CREBL2: variants seen among roughly 807,000 people sequenced by gnomAD.
The protein encoded by CREBL2 is cAMP-responsive element-binding protein-like 2.
In CREBL2, 4 loss-of-function variants were observed where a neutral mutation model predicts 19.5. The observed-to-expected ratio is 0.20, with a 90% confidence interval of 0.10 to 0.47. The LOEUF is 0.47. Among genes scored for constraint, CREBL2 ranks in the 20% least tolerant of loss-of-function variants. The pLI is 0.98. For synonymous variants in CREBL2, 42 were observed against 46.6 expected, an observed-to-expected ratio of 0.90 and a Z score of 0.40; for missense variants, 85 against 145.1, an observed-to-expected ratio of 0.59 and a Z score of 2.13.
Position 12,624,524 on chromosome 12 carries a change from T to C in CREBL2, c.16-11253T>C, listed in dbSNP as rs556265521. ...TCTCAACTCCTTGCAGGAGGGAGCA[T>C]GTGAGCAAATGAGTGAGGGAACTGG... On this transcript the variant is annotated intron_variant, in intron 1 of 3. Coordinates refer to ENST00000228865, the MANE Select transcript of CREBL2 (RefSeq NM_001310.4). Among the ~76,000 whole-genome samples, 9 of 152,248 alleles carry C rather than the reference T, an allele frequency of 5.9e-5. No individual in the cohort carries two copies. In the South Asian group the frequency reaches 1.5e-3, roughly 25 times the overall value.
intron 1 of CREBL2, among the ~76,000 whole-genome samples, chr12:12,632,891 A>G (rs1456341755): frequency 6.7e-6 from 1 of 150,166 alleles, no homozygotes; most frequent in Non-Finnish European, 1.5e-5. Context: ...AAGTTTCATT[A>G]TTTTTATATA....
At chr12:12,623,644 G>A (rs115480114) in intron 1 of CREBL2, among the ~76,000 whole-genome samples, 1,536 of 152,262 alleles carry the variant, frequency 0.01, 20 homozygotes, top group African/African-American at 0.035. Context: ...ATGAAAGAGA[G>A]AACTGGCTTT....
rs1273749684 is a variant in CREBL2 at position 12,638,235 on chromosome 12, G to A, written c.358+521G>A. Among the ~76,000 whole-genome samples, 51 of 152,162 alleles carry A rather than the reference G, an allele frequency of 3.4e-4. 1 individual carries two copies. The highest frequency in any genetic ancestry group is 3.3e-3 in the Admixed American group (51 of 15,288). ...GTGGGCAGATCACTTGAGGCCAGGA[G>A]TTTGAGATCACCCTGGCCAACATGG... On this transcript the variant is annotated intron_variant, in intron 3 of 3. Transcript: ENST00000228865.
chr12:12,618,703 G>C lies in CREBL2; in HGVS notation c.15+6516G>C, dbSNP rs541889539. ...GCGGCTGGGAGGTGGAGGTTGTAGC[G>C]AGCCGAGATCGCGCCACTGCACTCC... On this transcript the variant is annotated intron_variant, in intron 1 of 3. Coordinates refer to ENST00000228865, the MANE Select transcript of CREBL2 (RefSeq NM_001310.4). 4.4e-3 allele frequency among the ~76,000 whole-genome samples: 669 copies of C among 152,294 alleles called. 5 individuals carry two copies. The highest frequency in any genetic ancestry group is 5.1e-3 in the Non-Finnish European group (349 of 68,028).
chr12:12,626,871 T>TAA (rs1157705227), intron 1 of CREBL2, among the ~76,000 whole-genome samples: 5 of 124,852 alleles, frequency 4.0e-5, no homozygotes, highest in East Asian at 4.4e-4. Flanking sequence ...CCCTGTTTCT[T>TAA]AAAAAAAAAA....
intron 1 of CREBL2, among the ~76,000 whole-genome samples, chr12:12,625,263 C>G (rs566939344): frequency 2.0e-5 from 3 of 152,290 alleles, no homozygotes; most frequent in African/African-American, 7.2e-5. Flanking sequence ...TTTCTGTCCC[C>G]TGTCCCTCTC....
rs1374323168 is a variant in CREBL2, at chr12:12,612,060, A to G, written c.-113A>G. 1.6e-6 allele frequency: 2 copies of G among 1,283,228 alleles called. No individual in the cohort carries two copies. Among genetic ancestry groups the G allele is most frequent in the Non-Finnish European group, 1.1e-6 (1 of 899,804 alleles). 79.5% of individuals were successfully genotyped at this position (1,283,228 alleles called of 1,614,324 possible). A position where few individuals can be genotyped will look rare whatever the true frequency, so the allele number is the denominator to read the frequency against. The stretch of plus-strand genomic sequence containing the variant: ...AAGCGAACTGTTAGGCGAGAGGAGG[A>G]GGCAGCCAGAACCATATCCCCTTCT... On this transcript the variant is annotated 5_prime_UTR_variant, in exon 1 of 4. Coordinates refer to ENST00000228865, the MANE Select transcript of CREBL2 (RefSeq NM_001310.4).
At chr12:12,640,876 T>C (rs1945511834) in intron 3 of CREBL2, among the ~76,000 whole-genome samples, 1 of 152,206 alleles carries the variant, frequency 6.6e-6, no homozygotes, top group Non-Finnish European at 1.5e-5. Flanking sequence ...ATATTTTAAT[T>C]TTGGTGAAGT....
rs1258729120 is a variant in CREBL2, at chr12:12,642,400, C to T, written c.*402C>T. 1.3e-5 allele frequency: 2 copies of T among 157,440 alleles called. No individual in the cohort carries two copies. Among genetic ancestry groups the T allele is most frequent in the African/African-American group, 4.8e-5 (2 of 41,674 alleles). The allele number at this position is 157,440 out of a possible 1,614,324, so 9.8% of individuals were successfully genotyped here. ...GTGTGTTTTATGTGTCACCACCTTT[C>T]ATGTTTTTGATTGCCCTACAAAGAG... is the stretch of plus-strand genomic sequence containing the variant. On this transcript the variant is annotated 3_prime_UTR_variant, in exon 4 of 4. Transcript: ENST00000228865.
chr12:12,612,092 G>A lies in CREBL2; in HGVS notation c.-81G>A. 1 of 1,562,600 alleles carries A rather than the reference G, an allele frequency of 6.4e-7. No individual in the cohort carries two copies. The highest frequency in any genetic ancestry group is 8.7e-7 in the Non-Finnish European group (1 of 1,142,980). On this transcript the variant is annotated 5_prime_UTR_variant, in exon 1 of 4. Coordinates refer to ENST00000228865, the MANE Select transcript of CREBL2 (RefSeq NM_001310.4). ...CAGAACCATATCCCCTTCTTCCTCGGGGCGGGGGCCGGGCCAGGCCGGCTG... is the reference window on the plus strand; with the variant it reads ...CAGAACCATATCCCCTTCTTCCTCGAGGCGGGGGCCGGGCCAGGCCGGCTG...
intron 1 of CREBL2, among the ~76,000 whole-genome samples, chr12:12,618,280 G>A (rs1945329913): frequency 6.7e-6 from 1 of 149,450 alleles, no homozygotes; most frequent in African/African-American, 2.5e-5. Flanking sequence ...CAGACGGGGC[G>A]GCTGCCGGGC....
At chr12:12,639,068 C>A (rs936681845) in intron 3 of CREBL2, among the ~76,000 whole-genome samples, 1 of 152,170 alleles carries the variant, frequency 6.6e-6, no homozygotes, top group East Asian at 1.9e-4. Context: ...GGAGTCTATA[C>A]AGTATGTGAC....
intron 1 of CREBL2, among the ~76,000 whole-genome samples, chr12:12,632,283 T>G (rs1421400790): frequency 8.6e-5 from 13 of 151,760 alleles, no homozygotes; most frequent in African/African-American, 2.9e-4. Flanking sequence ...TTCACCGTTT[T>G]AGTCAGGATG....
At chr12:12,617,278 A>G (rs749946847) in intron 1 of CREBL2, among the ~76,000 whole-genome samples, 6 of 152,226 alleles carry the variant, frequency 3.9e-5, no homozygotes, top group Non-Finnish European at 8.8e-5. Context: ...CAGCCAGCAC[A>G]TACTTACAAT....
intron 1 of CREBL2, among the ~76,000 whole-genome samples, chr12:12,621,407 A>G (rs1384999515): frequency 6.6e-6 from 1 of 151,714 alleles, no homozygotes; most frequent in African/African-American, 2.4e-5. Flanking sequence ...AATCCCAGCT[A>G]CTCGGGAGGC....
At chr12:12,615,243 G>A (rs1271588537) in intron 1 of CREBL2, among the ~76,000 whole-genome samples, 1 of 152,130 alleles carries the variant, frequency 6.6e-6, no homozygotes, top group African/African-American at 2.4e-5. Context: ...AGGCTGACAG[G>A]GTTTTGCCAT....
chr12:12,620,455 C>T (rs1945350984), intron 1 of CREBL2, among the ~76,000 whole-genome samples: 1 of 152,070 alleles, frequency 6.6e-6, no homozygotes. Flanking sequence ...GTTTCAGACT[C>T]CCAAGCTCAA....
intron 1 of CREBL2, among the ~76,000 whole-genome samples, chr12:12,621,973 G>A (rs931452938): frequency 2.6e-5 from 4 of 152,138 alleles, no homozygotes; most frequent in South Asian, 2.1e-4. Context: ...AGAGGCAGAC[G>A]GTCCGATTAT....
At position 12,635,662 on chromosome 12, in the gene CREBL2, G is replaced by A. The variant is rs1020832007; in HGVS notation, c.16-115G>A. 7.9e-5 allele frequency: 98 copies of A among 1,233,570 alleles called. No homozygotes were observed. The African/African-American group carries it at 9.3e-4, about 12-fold the overall frequency. The allele number at this position is 1,233,570 out of a possible 1,614,324, so 76.4% of individuals were successfully genotyped here. A position where few individuals can be genotyped will look rare whatever the true frequency, so the allele number is the denominator to read the frequency against. On this transcript the variant is annotated intron_variant, in intron 1 of 3. Coordinates refer to ENST00000228865, the MANE Select transcript of CREBL2 (RefSeq NM_001310.4). ...GATGGGATTATGCTTTCTTAGTTCC[G>A]TAGGGCTTCACTCACGTTTTGTTTA...
Sources: allele counts gnomAD v4.1 joint callset (sites outside exome capture counted in the v4.1 genomes callset), GRCh38; gene constraint gnomAD v4.1.1; transcripts MANE v1.5; gene names NCBI Gene and HGNC (gene_info 2026-07-23, HGNC 2026-07-21).